RRP15: variants seen among roughly 807,000 people sequenced by gnomAD.
The protein encoded by RRP15 is RRP15-like protein.
In RRP15, 18 loss-of-function variants were observed where a neutral mutation model predicts 27.1. The ratio of observed to expected loss-of-function variants is 0.66; its 90% CI spans 0.46 to 0.98. The LOEUF (loss-of-function observed/expected upper bound fraction) is 0.98, where lower values mean the gene tolerates loss of function less well. RRP15 is among the 50% of genes least tolerant of loss of function. RRP15 has a pLI of 0.00. For synonymous variants in RRP15, 107 were observed against 109.4 expected (o/e 0.98, Z 0.14); for missense variants, 359 against 337.8 (o/e 1.06, Z -0.49).
chr1:218,293,918 AT>A (rs1370238243), intron 1 of RRP15, among the ~76,000 whole-genome samples: 1 of 152,052 alleles, frequency 6.6e-6, no homozygotes, highest in African/African-American at 2.4e-5. Flanking sequence ...TCTTAACATG[AT>A]TTTTTTAATA....
intron 1 of RRP15, among the ~76,000 whole-genome samples, chr1:218,287,067 G>A (rs919302966): frequency 3.7e-4 from 55 of 149,486 alleles, no homozygotes; most frequent in Non-Finnish European, 3.3e-4. Flanking sequence ...CCCCCAAAGC[G>A]ATCCTCTTGC....
At chr1:218,304,875 C>A (rs1294913973) in intron 2 of RRP15, among the ~76,000 whole-genome samples, 153 bp from the exon 3 acceptor site, 1 of 152,208 alleles carries the variant, frequency 6.6e-6, no homozygotes, top group Non-Finnish European at 1.5e-5. Context: ...GCTCTCGAAG[C>A]TAAACCCCTA....
At chr1:218,313,139 T>C (rs1656029135) in intron 4 of RRP15, among the ~76,000 whole-genome samples, 1 of 152,230 alleles carries the variant, frequency 6.6e-6, no homozygotes, top group South Asian at 2.1e-4. Flanking sequence ...TATTGTGCAG[T>C]GCTGAAGTTT....
At chr1:218,307,197 A>G (rs1197297014) in intron 3 of RRP15, among the ~76,000 whole-genome samples, 1 of 152,224 alleles carries the variant, frequency 6.6e-6, no homozygotes, top group African/African-American at 2.4e-5. Flanking sequence ...AAAGTTATGT[A>G]CCAATCCACA....
intron 4 of RRP15, among the ~76,000 whole-genome samples, chr1:218,329,235 T>TGCAAAA (rs1357659970): frequency 1.3e-4 from 3 of 22,330 alleles, no homozygotes; most frequent in Non-Finnish European, 1.6e-4. Flanking sequence ...ACCCTGTCTC[T>TGCAAAA]ACAAAAAAAA....
At chr1:218,296,387 G>A (rs965435651) in intron 1 of RRP15, among the ~76,000 whole-genome samples, 4 of 152,074 alleles carry the variant, frequency 2.6e-5, no homozygotes, top group Admixed American at 2.6e-4. Flanking sequence ...GGGTGTGGTG[G>A]CTTACTCCTG....
chr1:218,329,237 CAAAAAAAAAAAAA>C (rs1164512474), intron 4 of RRP15, among the ~76,000 whole-genome samples: 15 of 53,580 alleles, frequency 2.8e-4, no homozygotes, highest in South Asian at 2.9e-3. Flanking sequence ...CCTGTCTCTA[CAAAAAAAAAAAAA>C]AAAAAAAAAA....
intron 1 of RRP15, among the ~76,000 whole-genome samples, chr1:218,296,327 G>A (rs892420550): frequency 6.6e-5 from 10 of 152,100 alleles, no homozygotes; most frequent in Admixed American, 2.0e-4. Context: ...ATCATCACCT[G>A]TGTAAATACA....
intron 1 of RRP15, among the ~76,000 whole-genome samples, chr1:218,287,146 T>C (rs928105497): frequency 4.3e-4 from 64 of 148,868 alleles, no homozygotes; most frequent in African/African-American, 1.4e-3. Context: ...TTTTTTCTTT[T>C]TTTTTTTTTT....
intron 4 of RRP15, among the ~76,000 whole-genome samples, chr1:218,309,761 A>G (rs1246164619): frequency 6.6e-6 from 1 of 151,914 alleles, no homozygotes; most frequent in Non-Finnish European, 1.5e-5. Flanking sequence ...TGTGTCCTTT[A>G]AAATCTTACA....
rs566514586 is a variant in RRP15, at chr1:218,332,990, T to C, written c.*1899T>C. 2.6e-5 allele frequency: 4 copies of C among 152,264 alleles called. No individual in the cohort carries two copies. The highest frequency in any genetic ancestry group is 2.0e-4 in the Admixed American group (3 of 15,286). The allele number at this position is 152,264 out of a possible 1,614,324, so 9.4% of individuals were successfully genotyped here. On this transcript the variant is annotated 3_prime_UTR_variant, in exon 5 of 5. Coordinates refer to ENST00000366932, the MANE Select transcript of RRP15 (RefSeq NM_016052.4). The stretch of plus-strand genomic sequence containing the variant: ...AGAGTTTTGCAGGAATTTTTCTGAA[T>C]AGTACATTCACATGATAGATACGGA...
chr1:218,305,007 A>G, intron 2 of RRP15, 21 bp from the exon 3 acceptor site: 1 of 1,588,950 alleles, frequency 6.3e-7, no homozygotes, highest in South Asian at 1.1e-5. Context: ...ATTCTTTCAC[A>G]TAACAATATT....
chr1:218,290,280 C>T (rs1655617922), intron 1 of RRP15, among the ~76,000 whole-genome samples: 2 of 152,126 alleles, frequency 1.3e-5, no homozygotes, highest in Admixed American at 6.5e-5. Flanking sequence ...GCAGTTGATT[C>T]TAGTTACAGT....
intron 4 of RRP15, among the ~76,000 whole-genome samples, chr1:218,310,969 G>A (rs1239595467): frequency 6.6e-6 from 1 of 151,772 alleles, no homozygotes. Context: ...GGCTGGTCAC[G>A]AACTCCTGAC....
rs1447108345 is a variant in RRP15 at position 218,330,608 on chromosome 1, G to T, written c.706-340G>T. Among the ~76,000 whole-genome samples the T allele has an allele frequency of 2.6e-5, 4 of 152,112 alleles. No homozygotes were observed. The East Asian group carries it at 7.7e-4, about 29-fold the overall frequency. ...TTATCACTGAAGGTTAAATAGTATT[G>T]TAAGTCTGTTTTTTGTTGTCAGAAG... On this transcript the variant is annotated intron_variant, in intron 4 of 4. Transcript: ENST00000366932.
intron 4 of RRP15, among the ~76,000 whole-genome samples, chr1:218,327,692 A>G (rs187682742): frequency 6.6e-6 from 1 of 152,148 alleles, no homozygotes; most frequent in African/African-American, 2.4e-5. Flanking sequence ...TGTTTTTATA[A>G]ATTTTCTATT....
intron 4 of RRP15, among the ~76,000 whole-genome samples, chr1:218,318,440 G>T (rs1471834345): frequency 1.3e-5 from 2 of 151,952 alleles, no homozygotes; most frequent in African/African-American, 4.8e-5. Flanking sequence ...CAGTTGTCTT[G>T]AAGAATGAAT....
chr1:218,288,374 T>TA (rs1462156551), intron 1 of RRP15, among the ~76,000 whole-genome samples: 1 of 152,178 alleles, frequency 6.6e-6, no homozygotes, highest in Non-Finnish European at 1.5e-5. Context: ...ACTACACTGT[T>TA]AGAGGAATTG....
At chr1:218,315,071 A>G (rs887930323) in intron 4 of RRP15, among the ~76,000 whole-genome samples, 1 of 152,100 alleles carries the variant, frequency 6.6e-6, no homozygotes, top group East Asian at 1.9e-4. Context: ...TCCCTAGGAA[A>G]AAGAGTTACT....
Sources: gnomAD v4.1 joint callset for allele counts (sites outside exome capture counted in the v4.1 genomes callset) on GRCh38, gnomAD v4.1.1 for gene constraint, MANE v1.5 for transcripts, NCBI Gene and HGNC (gene_info 2026-07-23, HGNC 2026-07-21) for gene names.